The following MACF1 variants were observed in gnomAD, a reference collection of about 807,000 sequenced individuals.
MACF1 encodes microtubule-actin cross-linking factor 1.
Under a neutral mutation model 854.8 loss-of-function variants are expected in MACF1, and 193 were observed. That is an observed-to-expected ratio of 0.23 (90% CI 0.20 to 0.25). MACF1 has a LOEUF of 0.25. Among genes scored for constraint, MACF1 ranks in the 10% least tolerant of loss-of-function variants. MACF1 has a pLI of 1.00. For missense variants in MACF1, 7,722 were observed against 8,929.1 expected (o/e 0.86, Z 5.45); for synonymous variants, 3,185 against 3,226.7 (o/e 0.99, Z 0.44).
intron 97 of MACF1, among the ~76,000 whole-genome samples, chr1:39,479,451 G>A (rs987924476): frequency 6.6e-6 from 1 of 152,114 alleles, no homozygotes; most frequent in African/African-American, 2.4e-5. Flanking sequence ...AGAAAAGAGG[G>A]GTTTTGATTT....
chr1:39,327,466 A>G, intron 36 of MACF1, 113 bp downstream of exon 36: 1 of 1,131,056 alleles, frequency 8.8e-7, no homozygotes, highest in Non-Finnish European at 1.2e-6. Context: ...ATGTGACTTA[A>G]TTTTTAACCT....
At chr1:39,194,677 C>T (rs555910941) in intron 2 of MACF1, among the ~76,000 whole-genome samples, 2 of 141,678 alleles carry the variant, frequency 1.4e-5, no homozygotes, top group African/African-American at 2.7e-5. Context: ...CCTTCCTCTC[C>T]CCTCCCCTCC....
intron 35 of MACF1, 63 bp downstream of exon 35, chr1:39,324,797 C>G (rs533771207): frequency 8.0e-7 from 1 of 1,249,128 alleles, no homozygotes; most frequent in Non-Finnish European, 1.2e-6. Flanking sequence ...CTAAAACTTA[C>G]AGCCATAATG....
intron 29 of MACF1, 98 bp from the exon 30 acceptor site, chr1:39,318,355 A>T: frequency 9.0e-7 from 1 of 1,117,006 alleles, no homozygotes; most frequent in Admixed American, 2.1e-5. Flanking sequence ...TTTGTGGTCA[A>T]GCCCAGCTGG....
chr1:39,388,857 T>TTTC (rs1283816752), intron 58 of MACF1, among the ~76,000 whole-genome samples, 199 bp downstream of exon 58: 3 of 139,844 alleles, frequency 2.1e-5, no homozygotes, highest in Non-Finnish European at 4.6e-5. Flanking sequence ...TCTTTTTCTT[T>TTTC]TTCTTCTTCT....
At chr1:39,250,140 C>A in intron 3 of MACF1, 37 bp downstream of exon 3, 1 of 1,398,806 alleles carries the variant, frequency 7.1e-7, no homozygotes, top group Non-Finnish European at 1.0e-6. Context: ...ACAATTGTGG[C>A]CCTACAAATG....
At chr1:39,440,791 A>C (rs1397053050) in intron 72 of MACF1, among the ~76,000 whole-genome samples, 1 of 152,156 alleles carries the variant, frequency 6.6e-6, no homozygotes, top group African/African-American at 2.4e-5. Context: ...CCTTTTCTAT[A>C]GTATTTTATA....
At chr1:39,158,708 C>T (rs11205698) in intron 2 of MACF1, among the ~76,000 whole-genome samples, 89,391 of 151,986 alleles carry the variant, frequency 0.59, 28,206 homozygotes, top group South Asian at 0.72. Context: ...GTTGTGGTCC[C>T]GTAGCTCATT....
At chr1:39,450,304 A>AC (rs1644314911) in intron 84 of MACF1, among the ~76,000 whole-genome samples, 1 of 149,076 alleles carries the variant, frequency 6.7e-6, no homozygotes, top group African/African-American at 2.5e-5. Flanking sequence ...CTGTACTCCA[A>AC]TTTTTTTTTT....
intron 20 of MACF1, among the ~76,000 whole-genome samples, chr1:39,296,373 A>G (rs1645900198): frequency 6.6e-6 from 1 of 152,022 alleles, no homozygotes; most frequent in Admixed American, 6.6e-5. Flanking sequence ...CCACCTCTTG[A>G]TGGGAGTAGC....
intron 6 of MACF1, among the ~76,000 whole-genome samples, chr1:39,278,594 G>A (rs954015443): frequency 2.0e-5 from 3 of 152,168 alleles, no homozygotes; most frequent in African/African-American, 7.2e-5. Context: ...GCTTATTCAA[G>A]TTCTGTCTTG....
At chr1:39,431,992 GATGGAGGATTGGGGAGCCCTC>G (rs1469792922) in intron 66 of MACF1, among the ~76,000 whole-genome samples, 8 of 152,176 alleles carry the variant, frequency 5.3e-5, no homozygotes, top group Non-Finnish European at 1.0e-4. Flanking sequence ...GGCAGGGAAG[GATGGAGGATTGGGGAGCCCTC>G]ATGAAACTAA....
Position 39,442,572 on chromosome 1 carries a change from G to GTATTTTCA in MACF1, c.19104+7_19104+14dup, listed in dbSNP as rs777203240. 1.2e-6 allele frequency: 2 copies of GTATTTTCA among 1,614,008 alleles called. No individual in the cohort carries two copies. The highest frequency in any genetic ancestry group is 1.7e-6 in the Non-Finnish European group (2 of 1,179,998). On this transcript the variant is annotated splice_donor_region_variant and intron_variant, in intron 77 of 100. Coordinates refer to ENST00000564288, the MANE Select transcript of MACF1 (RefSeq NM_001394062.1). ...GTTGAGCTCGCAAAGCACCATGTAAGTATTTTCATTTTTTCATCTCTAACC... is the reference window on the plus strand; with the variant it reads ...GTTGAGCTCGCAAAGCACCATGTAAGTATTTTCATATTTTCATTTTTTCATCTCTAACC...
At chr1:39,266,594 CTTTTTTTTT>C (rs11406070) in intron 6 of MACF1, among the ~76,000 whole-genome samples, 5 of 58,126 alleles carry the variant, frequency 8.6e-5, no homozygotes, top group African/African-American at 2.2e-4. Context: ...TGGTCTTTTC[CTTTTTTTTT>C]TTTTTTTTTT....
intron 61 of MACF1, among the ~76,000 whole-genome samples, chr1:39,426,598 T>G (rs1643735245): frequency 1.3e-5 from 2 of 152,180 alleles, no homozygotes; most frequent in Admixed American, 6.5e-5. Flanking sequence ...CTGCTTTTAT[T>G]TTATAGAGTA....
chr1:39,433,341 A>C (rs1212287255), intron 68 of MACF1, among the ~76,000 whole-genome samples, 186 bp downstream of exon 68: 5 of 152,260 alleles, frequency 3.3e-5, no homozygotes, highest in Admixed American at 3.3e-4. Flanking sequence ...TGTTTAAAAC[A>C]GCCATCCTAT....
At position 39,217,471 on chromosome 1, in the gene MACF1, C is replaced by G. The variant is rs185997198; in HGVS notation, c.109+12340C>G. On this transcript the variant is annotated intron_variant, in intron 1 of 100. Transcript: ENST00000564288. ...TGTATTTTTGGTAGAGATGGGGTTT[C>G]GCCATGTTGCCTTGGCTGGTCTTGA... 2.0e-3 allele frequency among the ~76,000 whole-genome samples: 298 copies of G among 151,626 alleles called. 2 individuals are homozygous for G. The highest frequency in any genetic ancestry group is 7.0e-3 in the African/African-American group (288 of 41,334).
intron 23 of MACF1, among the ~76,000 whole-genome samples, chr1:39,307,604 G>A (rs1219077430): frequency 1.3e-5 from 2 of 152,008 alleles, no homozygotes; most frequent in East Asian, 1.9e-4. Flanking sequence ...AGACAGTCTC[G>A]CTCTGTCGCC....
At chr1:39,443,014 T>C in intron 78 of MACF1, 103 bp downstream of exon 78, 1 of 1,140,216 alleles carries the variant, frequency 8.8e-7, no homozygotes. Context: ...GAATCCCTTA[T>C]GTCTTGAGGG....
Sources: allele counts gnomAD v4.1 joint callset (sites outside exome capture counted in the v4.1 genomes callset), GRCh38; gene constraint gnomAD v4.1.1; transcripts MANE v1.5; gene names NCBI Gene and HGNC (gene_info 2026-07-23, HGNC 2026-07-21).